The following COBL variants were observed in gnomAD, a reference collection of about 807,000 sequenced individuals.
COBL encodes the protein protein cordon-bleu.
Under a neutral mutation model 98.8 loss-of-function variants are expected in COBL, and 51 were observed. That is an observed-to-expected ratio of 0.52 (90% confidence interval 0.41 to 0.65). COBL has a LOEUF of 0.65. Among genes scored for constraint, COBL ranks in the 30% least tolerant of loss-of-function variants. The pLI, the probability that COBL is intolerant of heterozygous loss-of-function variation, is 0.00. For synonymous variants in COBL, 634 were observed against 651.7 expected, an observed-to-expected ratio of 0.97 and a Z score of 0.41; for missense variants, 1,617 against 1,617.5, an observed-to-expected ratio of 1.00 and a Z score of 0.01.
At chr7:51,031,245 C>T (rs1312745351) in intron 8 of COBL, 3 of 231,292 alleles carry the variant, frequency 1.3e-5, no homozygotes, top group Admixed American at 5.6e-5. Flanking sequence ...ATTCACTCTG[C>T]AGACTGAAGT....
intron 1 of COBL, among the ~76,000 whole-genome samples, chr7:51,242,540 A>G (rs1469578801): frequency 1.3e-5 from 2 of 152,162 alleles, no homozygotes; most frequent in African/African-American, 4.8e-5. Flanking sequence ...GGTGCCAGAA[A>G]GTTCCAGAGT....
intron 6 of COBL, among the ~76,000 whole-genome samples, chr7:51,099,238 C>T (rs1242808017): frequency 2.0e-5 from 3 of 152,158 alleles, no homozygotes; most frequent in African/African-American, 7.2e-5. Flanking sequence ...AGAATTACCA[C>T]ATAATCTAGC....
intron 1 of COBL, among the ~76,000 whole-genome samples, chr7:51,234,455 C>A (rs1019674837): frequency 2.4e-4 from 37 of 152,342 alleles, no homozygotes; most frequent in African/African-American, 8.9e-4. Context: ...AATCCCAGCA[C>A]TCTGGGAGGC....
chr7:51,268,338 G>GA (rs1798418042), intron 1 of COBL, among the ~76,000 whole-genome samples: 1 of 152,140 alleles, frequency 6.6e-6, no homozygotes, highest in Non-Finnish European at 1.5e-5. Context: ...TCCACTGTGG[G>GA]AAAAATCACC....
chr7:51,190,872 G>A lies in COBL; in HGVS notation c.663C>T (p.Leu221=). The A allele has an allele frequency of 6.2e-7, 1 of 1,614,040 alleles. No homozygotes were observed. Among genetic ancestry groups the A allele is most frequent in the Non-Finnish European group, 8.5e-7 (1 of 1,179,968 alleles). ...KSLNELGIKE[L]YAWDNRRETF... The stretch of plus-strand genomic sequence containing the variant: ...CACCTCTTCTGTTGTCCCACGCGTA[G>A]AGCTCCTTTATCCCGAGCTCGTTCA... Residue 221 remains leucine, a synonymous_variant, in exon 4 of 13, where the codon CTC becomes CTT. Transcript: ENST00000265136.
intron 1 of COBL, among the ~76,000 whole-genome samples, chr7:51,272,140 T>C (rs1798814477): frequency 1.3e-5 from 2 of 152,246 alleles, no homozygotes; most frequent in Non-Finnish European, 2.9e-5. Flanking sequence ...TTTAACATTT[T>C]AAACTCACTC....
rs374580746 is a variant in COBL, at chr7:51,028,838, G to C, written c.2258C>G (p.Ser753Cys). Residue 753 changes from serine (S) to cysteine (C), a missense_variant, in exon 10 of 13, where the codon TCT (serine) becomes TGT (cysteine). This residue lies in a region of COBL where 1,304 missense variants were observed against 1,282.0 expected (regional missense o/e 1.02). Transcript: ENST00000265136. ...HATGIRIISL[S>C]SSVPEAESQP... ...AGATTCTGCTTCAGGCACAGACGAA[G>C]ACAGGGAAATGATCCTGATGCCGGT... 5.0e-5 allele frequency: 80 copies of C among 1,614,254 alleles called. No homozygotes were observed. Among genetic ancestry groups the C allele is most frequent in the Non-Finnish European group, 6.5e-5 (77 of 1,180,046 alleles).
intron 4 of COBL, among the ~76,000 whole-genome samples, chr7:51,187,586 G>A (rs748356362): frequency 2.0e-4 from 31 of 152,110 alleles, no homozygotes; most frequent in Non-Finnish European, 4.4e-4. Flanking sequence ...GAAAAGGAAA[G>A]GGTGCCTTTC....
At chr7:51,067,893 G>T (rs1034509274) in intron 7 of COBL, among the ~76,000 whole-genome samples, 1 of 152,232 alleles carries the variant, frequency 6.6e-6, no homozygotes, top group Non-Finnish European at 1.5e-5. Context: ...AGTCATCCAA[G>T]AATCTCTTGT....
Position 51,030,875 on chromosome 7 carries a change from C to G in COBL, c.1441G>C (p.Glu481Gln). 6.2e-7 allele frequency: 1 copy of G among 1,613,276 alleles called. No individual in the cohort carries two copies. The change falls in exon 9 of 13, where the codon GAA becomes CAA. Residue 481 changes from glutamate to glutamine, a missense_variant. Physicochemically the swap from Glu to Gln is conservative, Grantham distance 29. Coordinates refer to ENST00000265136, the MANE Select transcript of COBL (RefSeq NM_015198.5). ...AACTCTCCAGCAATTAATAGGTCTT[C>G]TTCATCATTTGAGGCTGTGACAGCT... ...EKAVTASNDE[E>Q]DLLIAGEFRK...
intron 1 of COBL, among the ~76,000 whole-genome samples, chr7:51,314,291 T>C (rs1005038402): frequency 2.0e-5 from 3 of 152,188 alleles, no homozygotes; most frequent in African/African-American, 7.2e-5. Context: ...ATCAGTTTGT[T>C]ATCATGTGGG....
chr7:51,147,115 C>A (rs955776358), intron 5 of COBL, among the ~76,000 whole-genome samples: 1 of 152,182 alleles, frequency 6.6e-6, no homozygotes, highest in Admixed American at 6.5e-5. Context: ...GACTCCGCAG[C>A]CCTGGGGCAG....
At chr7:51,061,114 G>A (rs1182500113) in intron 7 of COBL, among the ~76,000 whole-genome samples, 2 of 152,190 alleles carry the variant, frequency 1.3e-5, no homozygotes, top group African/African-American at 4.8e-5. Context: ...CTGAAGGCAA[G>A]GGGAATACAG....
At position 51,097,403 on chromosome 7, in the gene COBL, C is replaced by T. The variant is rs189285933; in HGVS notation, c.958-12099G>A. Among the ~76,000 whole-genome samples the T allele has an allele frequency of 2.2e-4, 33 of 152,246 alleles. No homozygotes were observed. The East Asian group carries it at 5.4e-3, about 25-fold the overall frequency. ...AAGACGAGGAAGAAGGAAAGAATAC[C>T]TTCTCTTCCCATTTCTATTGAAAAT... On this transcript the variant is annotated intron_variant, in intron 6 of 12. Coordinates refer to ENST00000265136, the MANE Select transcript of COBL (RefSeq NM_015198.5).
At chr7:51,204,848 C>CA (rs936656524) in intron 2 of COBL, among the ~76,000 whole-genome samples, 1 of 151,446 alleles carries the variant, frequency 6.6e-6, no homozygotes, top group African/African-American at 2.4e-5. Flanking sequence ...CACACCCAGC[C>CA]AAAAAAATCA....
intron 1 of COBL, among the ~76,000 whole-genome samples, chr7:51,301,091 C>G (rs748536513): frequency 6.6e-6 from 1 of 152,110 alleles, no homozygotes; most frequent in African/African-American, 2.4e-5. Context: ...GGAGTGAGTG[C>G]GGTGGGATAC....
intron 1 of COBL, among the ~76,000 whole-genome samples, chr7:51,230,628 C>A (rs1466480686): frequency 6.6e-6 from 1 of 152,204 alleles, no homozygotes; most frequent in Non-Finnish European, 1.5e-5. Context: ...TCTTGAGTCC[C>A]ATTTCCACAC....
chr7:51,028,213 C>T lies in COBL; in HGVS notation c.2883G>A (p.Leu961=). The change falls in exon 10 of 13, where the codon TTG becomes TTA. Residue 961 remains leucine, a synonymous_variant. Transcript: ENST00000265136. The part of the protein sequence containing the change: ...RGEVIGPHRK[L]STQDRPAAIH... Reference sequence around the variant, plus strand: ...TAGCAGCAGGTCTGTCCTGAGTAGACAACTTCCTGTGTGGGCCAATGACCT... The same window carrying T: ...TAGCAGCAGGTCTGTCCTGAGTAGATAACTTCCTGTGTGGGCCAATGACCT... 6.2e-7 allele frequency: 1 copy of T among 1,614,184 alleles called. No individual in the cohort carries two copies. Among genetic ancestry groups the T allele is most frequent in the Non-Finnish European group, 8.5e-7 (1 of 1,180,008 alleles).
At chr7:51,253,020 C>T (rs1796869234) in intron 1 of COBL, among the ~76,000 whole-genome samples, 1 of 151,978 alleles carries the variant, frequency 6.6e-6, no homozygotes, top group South Asian at 2.1e-4. Flanking sequence ...GTCAGGAGTT[C>T]GAGACCAGAC....
Sources: allele counts gnomAD v4.1 joint callset (sites outside exome capture counted in the v4.1 genomes callset), GRCh38; gene constraint gnomAD v4.1.1; regional missense constraint gnomAD v4.1.1; transcripts MANE v1.5; gene names NCBI Gene and HGNC (gene_info 2026-07-23, HGNC 2026-07-21).